CNIH3: variants seen among roughly 807,000 people sequenced by gnomAD.
CNIH3 encodes the protein protein cornichon homolog 3.
Under a neutral mutation model 24.1 loss-of-function variants are expected in CNIH3, and 14 were observed. The ratio of observed to expected loss-of-function variants is 0.58; its 90% CI spans 0.38 to 0.91. The LOEUF is 0.91. CNIH3 is among the 40% of genes least tolerant of loss of function. The pLI, the probability that CNIH3 is intolerant of heterozygous loss-of-function variation, is 0.00. For missense variants in CNIH3, 178 were observed against 196.8 expected (o/e 0.90, Z 0.57); for synonymous variants, 68 against 73.8 (o/e 0.92, Z 0.40).
intron 4 of CNIH3, among the ~76,000 whole-genome samples, chr1:224,578,809 C>T (rs576332650): frequency 5.9e-5 from 9 of 152,220 alleles, no homozygotes; most frequent in South Asian, 2.1e-4. Context: ...CTCCCTTCTC[C>T]GTCTTTCTCC....
At chr1:224,576,481 T>C (rs765137842) in intron 4 of CNIH3, among the ~76,000 whole-genome samples, 2 of 152,238 alleles carry the variant, frequency 1.3e-5, no homozygotes, top group Non-Finnish European at 2.9e-5. Flanking sequence ...CTTGTCTTGC[T>C]CTTTCTTGAC....
At chr1:224,730,636 T>C in intron 4 of CNIH3, 62 bp downstream of exon 4, 1 of 979,518 alleles carries the variant, frequency 1.0e-6, no homozygotes, top group African/African-American at 1.6e-5. Flanking sequence ...TGCTCTCCAG[T>C]GATGATGTCA....
intron 1 of CNIH3, among the ~76,000 whole-genome samples, chr1:224,502,544 A>G (rs958815866): frequency 1.3e-5 from 2 of 152,176 alleles, no homozygotes; most frequent in South Asian, 2.1e-4. Context: ...CTCCTGGTCT[A>G]GGCACTCTTG....
chr1:224,552,396 C>T (rs564552492), intron 3 of CNIH3, among the ~76,000 whole-genome samples: 30 of 151,314 alleles, frequency 2.0e-4, no homozygotes, highest in Admixed American at 6.6e-4. Flanking sequence ...TATCATCTCC[C>T]TTAGATATTA....
intron 1 of CNIH3, among the ~76,000 whole-genome samples, chr1:224,505,127 G>A (rs1467624057): frequency 6.7e-6 from 1 of 149,786 alleles, no homozygotes; most frequent in Non-Finnish European, 1.5e-5. Flanking sequence ...AGGCAACATG[G>A]CCAAACTCTG....
intron 2 of CNIH3, among the ~76,000 whole-genome samples, chr1:224,682,907 C>G (rs1186463232): frequency 6.6e-6 from 1 of 152,246 alleles, no homozygotes; most frequent in Non-Finnish European, 1.5e-5. Flanking sequence ...TCCTACTGCT[C>G]AATTCTATCA....
intron 1 of CNIH3, among the ~76,000 whole-genome samples, chr1:224,620,507 T>A (rs1683227291): frequency 6.6e-6 from 1 of 152,244 alleles, no homozygotes; most frequent in African/African-American, 2.4e-5. Context: ...TGATTGGGGT[T>A]ACAATAGCAA....
intron 2 of CNIH3, among the ~76,000 whole-genome samples, chr1:224,681,437 G>A (rs1437487030): frequency 6.6e-6 from 1 of 152,192 alleles, no homozygotes; most frequent in African/African-American, 2.4e-5. Flanking sequence ...TGGAGGGTGG[G>A]TTAATGCACA....
chr1:224,522,907 G>A (rs1204788911), intron 2 of CNIH3, among the ~76,000 whole-genome samples: 1 of 152,142 alleles, frequency 6.6e-6, no homozygotes, highest in Non-Finnish European at 1.5e-5. Context: ...TCCACTCCTA[G>A]GTCTATGTGT....
chr1:224,557,288 T>C (rs1312731291), intron 3 of CNIH3, among the ~76,000 whole-genome samples: 1 of 151,966 alleles, frequency 6.6e-6, no homozygotes, highest in African/African-American at 2.4e-5. Context: ...GCTCAAACAA[T>C]ACTCCCACCT....
chr1:224,555,284 G>A (rs761724829), intron 3 of CNIH3, among the ~76,000 whole-genome samples: 15 of 152,238 alleles, frequency 9.9e-5, no homozygotes, highest in Middle Eastern at 3.4e-3. Context: ...AGAAAGTGTC[G>A]CCTGTAAATG....
intron 1 of CNIH3, among the ~76,000 whole-genome samples, chr1:224,440,818 G>GTTTT (rs1207663279): frequency 7.0e-6 from 1 of 142,720 alleles, no homozygotes; most frequent in Non-Finnish European, 1.5e-5. Context: ...ACAGTATTAA[G>GTTTT]TTTTTTTTTT....
At chr1:224,450,897 C>T (rs897533557) in intron 1 of CNIH3, among the ~76,000 whole-genome samples, 1 of 152,198 alleles carries the variant, frequency 6.6e-6, no homozygotes, top group Non-Finnish European at 1.5e-5. Flanking sequence ...GCCCAAGGCA[C>T]ACAGTTAATA....
At chr1:224,615,501 G>A (rs1232808994), upstream of CNIH3, 1 of 152,138 alleles carries the variant, frequency 6.6e-6, no homozygotes. Flanking sequence ...TTTTACTTAT[G>A]TTCCCTTTTA....
chr1:224,472,116 C>T (rs1676398972), intron 1 of CNIH3, among the ~76,000 whole-genome samples: 1 of 152,074 alleles, frequency 6.6e-6, no homozygotes, highest in African/African-American at 2.4e-5. Flanking sequence ...CATATGATAG[C>T]TCTATTTTTG....
At chr1:224,622,750 T>C (rs767905498) in intron 1 of CNIH3, among the ~76,000 whole-genome samples, 3 of 152,250 alleles carry the variant, frequency 2.0e-5, no homozygotes, top group Non-Finnish European at 2.9e-5. Context: ...ATTGGAGCTC[T>C]TGCCTATACT....
At chr1:224,465,784 T>C (rs1676130562) in intron 1 of CNIH3, among the ~76,000 whole-genome samples, 1 of 152,154 alleles carries the variant, frequency 6.6e-6, no homozygotes, top group African/African-American at 2.4e-5. Flanking sequence ...CCACAGCACT[T>C]TGGGAGGCTG....
At chr1:224,444,439 A>C (rs1675058449) in intron 1 of CNIH3, among the ~76,000 whole-genome samples, 1 of 151,926 alleles carries the variant, frequency 6.6e-6, no homozygotes. Context: ...GCTCACTGCA[A>C]CCTCTGCCTT....
intron 3 of CNIH3, 24 bp from the exon 4 acceptor site, chr1:224,730,438 G>C (rs764367885): frequency 1.4e-6 from 2 of 1,462,302 alleles, no homozygotes; most frequent in African/African-American, 2.8e-5. Flanking sequence ...CTAACTCAGG[G>C]CCGTGTCTCT....
Sources: gnomAD v4.1 joint callset for allele counts (sites outside exome capture counted in the v4.1 genomes callset) on GRCh38, gnomAD v4.1.1 for gene constraint, MANE v1.5 for transcripts, NCBI Gene and HGNC (gene_info 2026-07-23, HGNC 2026-07-21) for gene names.